Variants in CSMD1 observed in about 807,000 individuals in gnomAD.
CSMD1 encodes the protein CUB and sushi domain-containing protein 1.
In CSMD1, 213 loss-of-function variants were observed where a neutral mutation model predicts 417.5. The ratio of observed to expected loss-of-function variants is 0.51; its 90% CI spans 0.46 to 0.57. The LOEUF (loss-of-function observed/expected upper bound fraction) is 0.57, where lower values mean the gene tolerates loss of function less well. Ranked by LOEUF, CSMD1 falls within the 20% of genes least tolerant of loss-of-function variation. The pLI, the probability that CSMD1 is intolerant of heterozygous loss-of-function variation, is 0.00. For missense variants in CSMD1, 6,923 were observed against 4,529.7 expected, an observed-to-expected ratio of 1.53 and a Z score of -15.17; for synonymous variants, 2,862 against 1,736.8, an observed-to-expected ratio of 1.65 and a Z score of -16.11.
intron 1 of CSMD1, among the ~76,000 whole-genome samples, chr8:4,981,322 G>C (rs1297426531): frequency 6.6e-6 from 1 of 152,152 alleles, no homozygotes; most frequent in Admixed American, 6.5e-5. Context: ...GCCCCTACTG[G>C]AGCAGGATGT....
At chr8:3,157,501 G>C (rs1484407017) in intron 39 of CSMD1, among the ~76,000 whole-genome samples, 1 of 152,122 alleles carries the variant, frequency 6.6e-6, no homozygotes, top group African/African-American at 2.4e-5. Context: ...CTGTCATTCT[G>C]AATTTTCTTC....
At chr8:3,908,256 G>A (rs965890521) in intron 5 of CSMD1, among the ~76,000 whole-genome samples, 3 of 84,652 alleles carry the variant, frequency 3.5e-5, no homozygotes, top group African/African-American at 9.6e-5. Flanking sequence ...ATATGAGAAA[G>A]CTGAGTCAGG....
chr8:4,136,304 T>A (rs1803431149), intron 3 of CSMD1, among the ~76,000 whole-genome samples: 1 of 152,182 alleles, frequency 6.6e-6, no homozygotes, highest in African/African-American at 2.4e-5. Context: ...TTTTTTAGCT[T>A]CCAGATTTTA....
intron 26 of CSMD1, among the ~76,000 whole-genome samples, chr8:3,263,485 A>T (rs1183369136): frequency 2.0e-5 from 3 of 152,298 alleles, no homozygotes; most frequent in Non-Finnish European, 2.9e-5. Flanking sequence ...GATGAATTCA[A>T]AGAGCCTTAT....
intron 3 of CSMD1, among the ~76,000 whole-genome samples, chr8:4,243,346 C>T (rs529332770): frequency 6.6e-6 from 1 of 152,178 alleles, no homozygotes; most frequent in East Asian, 1.9e-4. Context: ...GCTTTGAAAA[C>T]CTATGCAATG....
chr8:3,218,252 G>T lies in CSMD1; in HGVS notation c.4672+1003C>A, dbSNP rs559606395. 2.6e-5 allele frequency among the ~76,000 whole-genome samples: 4 copies of T among 152,242 alleles called. No homozygotes were observed. In the East Asian group the frequency reaches 7.7e-4, roughly 29 times the overall value. ...GGAAGGGTACAGATATGTTGACATG[G>T]AAAATGTTGAGATAAAATGAAGTTA... On this transcript the variant is annotated intron_variant, in intron 29 of 69. Transcript: ENST00000635120.
At position 4,134,829 on chromosome 8, in the gene CSMD1, G is replaced by C. The variant is rs188852219; in HGVS notation, c.416-102730C>G. Among the ~76,000 whole-genome samples, 241 of 152,212 alleles carry C rather than the reference G, an allele frequency of 1.6e-3. 3 individuals are homozygous for C. The highest frequency in any genetic ancestry group is 5.6e-3 in the African/African-American group (234 of 41,548). The stretch of plus-strand genomic sequence containing the variant: ...TAACACAAATTTTGTCCTTGGCCTT[G>C]GCTGTTGAAAATCGTTTGATAGCTT... On this transcript the variant is annotated intron_variant, in intron 3 of 69. Transcript: ENST00000635120.
At chr8:3,255,097 C>A (rs1327322715) in intron 26 of CSMD1, among the ~76,000 whole-genome samples, 1 of 152,206 alleles carries the variant, frequency 6.6e-6, no homozygotes, top group African/African-American at 2.4e-5. Context: ...ACAGTCAGGA[C>A]CCTCAGCTGC....
At chr8:3,274,367 G>A (rs1351211734) in intron 26 of CSMD1, among the ~76,000 whole-genome samples, 1 of 152,074 alleles carries the variant, frequency 6.6e-6, no homozygotes, top group Non-Finnish European at 1.5e-5. Flanking sequence ...CAATTTTGGA[G>A]TAGGTGTGGT....
chr8:4,305,219 T>C (rs1798182636), intron 3 of CSMD1, among the ~76,000 whole-genome samples: 1 of 152,198 alleles, frequency 6.6e-6, no homozygotes, highest in Non-Finnish European at 1.5e-5. Flanking sequence ...CAGAGAAGGA[T>C]GAAGTGCCAG....
intron 1 of CSMD1, among the ~76,000 whole-genome samples, chr8:4,935,862 G>T (rs1807583607): frequency 6.6e-6 from 1 of 152,208 alleles, no homozygotes; most frequent in Non-Finnish European, 1.5e-5. Flanking sequence ...GTCTTCACAT[G>T]AGAAGCAGAA....
intron 26 of CSMD1, among the ~76,000 whole-genome samples, chr8:3,251,179 G>C (rs895893911): frequency 2.6e-5 from 4 of 152,072 alleles, no homozygotes; most frequent in Non-Finnish European, 4.4e-5. Flanking sequence ...TTTTCTTCTA[G>C]GGTTTTTATG....
intron 7 of CSMD1, among the ~76,000 whole-genome samples, chr8:3,672,642 G>C (rs1285514858): frequency 6.6e-6 from 1 of 152,208 alleles, no homozygotes; most frequent in African/African-American, 2.4e-5. Flanking sequence ...CATCCGGTCA[G>C]AGTATGACAT....
chr8:3,002,039 A>G (rs1462135876), intron 52 of CSMD1, among the ~76,000 whole-genome samples: 1 of 152,194 alleles, frequency 6.6e-6, no homozygotes, highest in Non-Finnish European at 1.5e-5. Context: ...CTCTGCCTCA[A>G]CTCGTAGAAG....
chr8:3,497,840 G>T (rs564142612), intron 10 of CSMD1, among the ~76,000 whole-genome samples: 1 of 152,286 alleles, frequency 6.6e-6, no homozygotes, highest in African/African-American at 2.4e-5. Flanking sequence ...GTGGTTTTCT[G>T]TAGTGATATG....
At chr8:3,368,997 A>G (rs1021662828) in intron 19 of CSMD1, among the ~76,000 whole-genome samples, 13 of 152,194 alleles carry the variant, frequency 8.5e-5, no homozygotes, top group African/African-American at 2.7e-4. Context: ...CACGATAGCT[A>G]TATTTCAAGC....
At chr8:3,695,284 G>A (rs191886369) in intron 7 of CSMD1, among the ~76,000 whole-genome samples, 11 of 152,150 alleles carry the variant, frequency 7.2e-5, no homozygotes, top group East Asian at 1.9e-4. Context: ...TTATAGTGCC[G>A]CGATGCAGAA....
chr8:4,246,918 T>A (rs950437316), intron 3 of CSMD1, among the ~76,000 whole-genome samples: 1 of 152,200 alleles, frequency 6.6e-6, no homozygotes. Context: ...CTTCAAAAAA[T>A]CTTTGTAAGA....
At chr8:3,831,668 C>A (rs1388356594) in intron 5 of CSMD1, among the ~76,000 whole-genome samples, 2 of 152,084 alleles carry the variant, frequency 1.3e-5, no homozygotes, top group Non-Finnish European at 2.9e-5. Flanking sequence ...AAATTAAAAT[C>A]TTTACCGGCA....
Sources: allele counts gnomAD v4.1 joint callset (sites outside exome capture counted in the v4.1 genomes callset), GRCh38; gene constraint gnomAD v4.1.1; transcripts MANE v1.5; gene names NCBI Gene and HGNC (gene_info 2026-07-23, HGNC 2026-07-21).